The following ST13 variants were observed in gnomAD, a reference collection of about 807,000 sequenced individuals.
The protein encoded by ST13 is ST13 Hsp70 interacting protein, also known as hsc70-interacting protein.
A neutral mutation model predicts 56.7 loss-of-function variants in ST13; 23 were observed. The ratio of observed to expected loss-of-function variants is 0.41; its 90% CI spans 0.29 to 0.57. The LOEUF is 0.57. Among genes scored for constraint, ST13 ranks in the 20% least tolerant of loss-of-function variants. ST13 has a pLI of 0.36. For synonymous variants in ST13, 132 were observed against 142.4 expected (o/e 0.93, Z 0.52); for missense variants, 369 against 459.9 (o/e 0.80, Z 1.81).
Position 40,844,826 on chromosome 22 carries a change from T to C in ST13, c.315+13A>G, listed in dbSNP as rs1010279781. 1 of 1,609,124 alleles carries C rather than the reference T, an allele frequency of 6.2e-7. No homozygotes were observed. The highest frequency in any genetic ancestry group is 1.3e-5 in the African/African-American group (1 of 74,944). ...TTCTTAGAACAAGCAGGAAATCAAG[T>C]CACCGAACTTACCTCCGCATTTTCA... is the stretch of plus-strand genomic sequence containing the variant. On this transcript the variant is annotated intron_variant, in intron 4 of 11. Coordinates refer to ENST00000216218, the MANE Select transcript of ST13 (RefSeq NM_003932.5).
At chr22:40,855,530 T>C (rs551889213) in intron 1 of ST13, among the ~76,000 whole-genome samples, 1 of 152,324 alleles carries the variant, frequency 6.6e-6, no homozygotes, top group Non-Finnish European at 1.5e-5. Flanking sequence ...TATCCCTGTT[T>C]AGTGCAATTT....
intron 1 of ST13, among the ~76,000 whole-genome samples, chr22:40,851,403 T>A (rs1404727622): frequency 6.6e-6 from 1 of 152,198 alleles, no homozygotes; most frequent in Non-Finnish European, 1.5e-5. Context: ...ACATTATAGA[T>A]TTTCTCCTTA....
At position 40,835,865 on chromosome 22, in the gene ST13, G is replaced by C. The variant is rs1239642319; in HGVS notation, c.405C>G (p.Asp135Glu). 6.2e-7 allele frequency: 1 copy of C among 1,612,842 alleles called. No individual in the cohort carries two copies. The highest frequency in any genetic ancestry group is 2.2e-5 in the East Asian group (1 of 44,884). ...TCAGCTTGATGGCATCTGTGAATAA[G>C]TCAATGGCTTTCTGGAGTTCACCTA... ...LNDGELQKAI[D>E]LFTDAIKLNP... Residue 135 changes from aspartate (D) to glutamate (E), a missense_variant, in exon 6 of 12, where the codon GAC becomes GAG. By Grantham distance (45) the Asp-to-Glu change is conservative (BLOSUM62 2). This residue lies in a region of ST13 where 169 missense variants were observed against 175.6 expected (regional missense o/e 0.96). Transcript: ENST00000216218.
At chr22:40,844,175 G>C (rs2057819410) in intron 4 of ST13, among the ~76,000 whole-genome samples, 1 of 152,066 alleles carries the variant, frequency 6.6e-6, no homozygotes, top group Non-Finnish European at 1.5e-5. Flanking sequence ...GAGCCACCCT[G>C]TCTGGCCAGG....
intron 3 of ST13, among the ~76,000 whole-genome samples, chr22:40,846,594 G>T (rs185616831): frequency 1.3e-5 from 2 of 152,260 alleles, no homozygotes; most frequent in Admixed American, 1.3e-4. Flanking sequence ...TTTAGAAACT[G>T]GTAGAAAGTA....
chr22:40,842,692 C>T (rs1006375402), intron 4 of ST13, among the ~76,000 whole-genome samples: 8 of 152,086 alleles, frequency 5.3e-5, no homozygotes, highest in African/African-American at 1.7e-4. Flanking sequence ...AGAAAGTTAA[C>T]CCTAGAATTT....
chr22:40,827,337 A>G, intron 10 of ST13, 108 bp from the exon 11 acceptor site: 1 of 1,090,974 alleles, frequency 9.2e-7, no homozygotes, highest in South Asian at 1.5e-5. Context: ...CTAAGCACAA[A>G]GTAGTCTGAA....
rs1465616677 is a variant in ST13, at chr22:40,831,097, C to T, written c.682-141G>A. 14 of 610,566 alleles carry T rather than the reference C, an allele frequency of 2.3e-5. No homozygotes were observed. In the East Asian group the frequency reaches 4.0e-4, roughly 17 times the overall value. 37.8% of individuals were successfully genotyped at this position (610,566 alleles called of 1,614,324 possible). ...TTGTCTTGTACAAAAAGACCTAACA[C>T]AAGCTAAGCCTTTAAGAAAACCAAC... On this transcript the variant is annotated intron_variant, in intron 8 of 11. Coordinates refer to ENST00000216218, the MANE Select transcript of ST13 (RefSeq NM_003932.5).
At chr22:40,832,308 T>A (rs2057757795) in intron 8 of ST13, 1 of 497,798 alleles carries the variant, frequency 2.0e-6, no homozygotes, top group East Asian at 4.8e-5. Context: ...TGATACCCCC[T>A]TTTCTAATTT....
intron 3 of ST13, among the ~76,000 whole-genome samples, chr22:40,846,018 C>T (rs539926896): frequency 1.1e-3 from 160 of 152,262 alleles, no homozygotes; most frequent in Non-Finnish European, 1.9e-3. Flanking sequence ...CTCACCGTAA[C>T]CTCTGCCTCC....
At chr22:40,836,888 A>G (rs2057780048) in intron 5 of ST13, among the ~76,000 whole-genome samples, 1 of 152,236 alleles carries the variant, frequency 6.6e-6, no homozygotes, top group African/African-American at 2.4e-5. Flanking sequence ...GCTAGAGTAC[A>G]GTGGCATGAT....
chr22:40,835,503 T>G, intron 7 of ST13, 57 bp downstream of exon 7: 1 of 1,464,320 alleles, frequency 6.8e-7, no homozygotes, highest in Admixed American at 1.8e-5. Context: ...CAAAGCATCT[T>G]AAAACATCAG....
intron 5 of ST13, among the ~76,000 whole-genome samples, chr22:40,840,112 T>C (rs2057796033): frequency 6.6e-6 from 1 of 152,150 alleles, no homozygotes; most frequent in African/African-American, 2.4e-5. Flanking sequence ...ATCGCATCAC[T>C]GCACTCCAGC....
At chr22:40,845,903 A>G (rs2057828800) in intron 3 of ST13, among the ~76,000 whole-genome samples, 1 of 152,146 alleles carries the variant, frequency 6.6e-6, no homozygotes. Context: ...ATATACATAT[A>G]TGTATATGGT....
chr22:40,833,394 C>T (rs982395926), intron 7 of ST13, among the ~76,000 whole-genome samples: 4 of 150,952 alleles, frequency 2.6e-5, no homozygotes, highest in Non-Finnish European at 5.9e-5. Flanking sequence ...CCGGTGAAAC[C>T]CCATCTCTAC....
intron 3 of ST13, among the ~76,000 whole-genome samples, chr22:40,846,164 G>A (rs1321891149): frequency 2.6e-5 from 4 of 152,006 alleles, no homozygotes; most frequent in Admixed American, 6.5e-5. Context: ...TCCAACTCCC[G>A]ACCTCAGGTG....
chr22:40,840,250 C>T (rs956117566), intron 5 of ST13, among the ~76,000 whole-genome samples: 1 of 152,048 alleles, frequency 6.6e-6, no homozygotes, highest in African/African-American at 2.4e-5. Flanking sequence ...CATGCTCTGA[C>T]TAGGACGAAG....
Position 40,844,898 on chromosome 22 carries a change from C to T in ST13, c.256G>A (p.Glu86Lys). ...TCAGTGTCTGGTTCAATCACACCTT[C>T]TTTATCAATTTCTGCCAAAGTCGAG... ...SEESDLEIDK[E>K]GVIEPDTDAP... Residue 86 changes from glutamate to lysine, a missense_variant, in exon 4 of 12, where the codon GAA (glutamate) becomes AAA (lysine). Physicochemically the swap from Glu to Lys is moderately conservative, Grantham distance 56 (BLOSUM62 1). Coordinates refer to ENST00000216218, the MANE Select transcript of ST13 (RefSeq NM_003932.5). 6.2e-7 allele frequency: 1 copy of T among 1,612,982 alleles called. No homozygotes were observed. The highest frequency in any genetic ancestry group is 8.5e-7 in the Non-Finnish European group (1 of 1,179,386).
intron 2 of ST13, among the ~76,000 whole-genome samples, chr22:40,849,972 A>G (rs1158160111): frequency 6.6e-6 from 1 of 151,446 alleles, no homozygotes; most frequent in Non-Finnish European, 1.5e-5. Context: ...AATTATGAAG[A>G]AAGCATTCTG....
Sources: gnomAD v4.1 joint callset for allele counts (sites outside exome capture counted in the v4.1 genomes callset) on GRCh38, gnomAD v4.1.1 for gene constraint, gnomAD v4.1.1 regional missense constraint, MANE v1.5 for transcripts, NCBI Gene and HGNC (gene_info 2026-07-23, HGNC 2026-07-21) for gene names.